Variants in L3MBTL1 observed in about 807,000 individuals in gnomAD.
The protein encoded by L3MBTL1 is lethal(3)malignant brain tumor-like protein 1.
L3MBTL1 carries 75 observed loss-of-function variants against 105.3 expected under a neutral mutation model. That is an observed-to-expected ratio of 0.71 (90% CI 0.59 to 0.86). The LOEUF is 0.86. L3MBTL1 is among the 40% of genes least tolerant of loss of function. The probability of loss-of-function intolerance (pLI) is 0.00; values close to 1 mark genes in which losing one functional copy is unlikely to be tolerated. For missense variants in L3MBTL1, 1,069 were observed against 1,126.4 expected (o/e 0.95, Z 0.73); for synonymous variants, 452 against 436.2 (o/e 1.04, Z -0.45).
chr20:43,530,531 T>C, intron 10 of L3MBTL1, 112 bp downstream of exon 10: 1 of 1,251,174 alleles, frequency 8.0e-7, no homozygotes. Context: ...TGTACCCTGT[T>C]CCAAAGCCAG....
rs775862031 is a variant in L3MBTL1, at chr20:43,528,704, G to C, written c.910G>C (p.Glu304Gln). 1 of 1,614,154 alleles carries C rather than the reference G, an allele frequency of 6.2e-7. No individual in the cohort carries two copies. The highest frequency in any genetic ancestry group is 1.1e-5 in the South Asian group (1 of 91,084). The change falls in exon 8 of 22, where the codon GAG (glutamate) becomes CAG (glutamine). Residue 304 changes from glutamate (E) to glutamine (Q), a missense_variant. Physicochemically the swap from Glu to Gln is conservative, Grantham distance 29. Transcript: ENST00000418998. ...ECWSWESYLEEQKAITAPVSL... is the reference protein window; with the variant it reads ...ECWSWESYLEQQKAITAPVSL... Reference sequence around the variant, plus strand: ...CTGGTCGTGGGAGTCCTACCTAGAGGAGCAGAAGGCCATTACTGCTCCAGT... The same window carrying C: ...CTGGTCGTGGGAGTCCTACCTAGAGCAGCAGAAGGCCATTACTGCTCCAGT...
At chr20:43,547,853 T>C (rs1978722297) in intron 18 of L3MBTL1, among the ~76,000 whole-genome samples, 1 of 152,196 alleles carries the variant, frequency 6.6e-6, no homozygotes, top group African/African-American at 2.4e-5. Flanking sequence ...AGAACAAGTG[T>C]GTGAACACGG....
Position 43,532,821 on chromosome 20 carries a change from G to A in L3MBTL1, c.1333G>A (p.Asp445Asn). Residue 445 changes from aspartate (D) to asparagine (N), a missense_variant, in exon 12 of 22, where the codon GAC becomes AAC. Coordinates refer to ENST00000418998, the MANE Select transcript of L3MBTL1 (RefSeq NM_001377303.1). ...GGTGGGCATGAAGCTGGAGGCTGTTGACCGCATGAACCCGTCCCTTGTCTG... is the reference window on the plus strand; with the variant it reads ...GGTGGGCATGAAGCTGGAGGCTGTTAACCGCATGAACCCGTCCCTTGTCTG... The part of the protein sequence containing the change: ...FQVGMKLEAV[D>N]RMNPSLVCVA... 2.5e-6 allele frequency: 4 copies of A among 1,614,204 alleles called. No homozygotes were observed. Among genetic ancestry groups the A allele is most frequent in the South Asian group, 1.1e-5 (1 of 91,086 alleles).
At chr20:43,530,495 C>T in intron 10 of L3MBTL1, 76 bp downstream of exon 10, 2 of 1,492,576 alleles carry the variant, frequency 1.3e-6, no homozygotes, top group Non-Finnish European at 1.8e-6. Flanking sequence ...GGGTCCCCGG[C>T]TTCCAGCTCT....
chr20:43,536,465 C>A lies in L3MBTL1; in HGVS notation c.2173+7C>A. ...CCGCAGGAAGATTTCCAGAGTAAGTCTGGGTTATCTGCTCCTATGTCCTCC... is the reference window on the plus strand; with the variant it reads ...CCGCAGGAAGATTTCCAGAGTAAGTATGGGTTATCTGCTCCTATGTCCTCC... On this transcript the variant is annotated splice_region_variant and intron_variant, in intron 19 of 21. Coordinates refer to ENST00000418998, the MANE Select transcript of L3MBTL1 (RefSeq NM_001377303.1). The A allele has an allele frequency of 6.2e-7, 1 of 1,613,866 alleles. No individual in the cohort carries two copies. The highest frequency in any genetic ancestry group is 8.5e-7 in the Non-Finnish European group (1 of 1,179,994).
At position 43,528,698 on chromosome 20, in the gene L3MBTL1, C is replaced by G. The variant is rs772464549; in HGVS notation, c.904C>G (p.Leu302Val). Residue 302 changes from leucine to valine, a missense_variant, in exon 8 of 22, where the codon CTA becomes GTA. Coordinates refer to ENST00000418998, the MANE Select transcript of L3MBTL1 (RefSeq NM_001377303.1). ...KKECWSWESY[L>V]EEQKAITAPV... The stretch of plus-strand genomic sequence containing the variant: ...GGAATGCTGGTCGTGGGAGTCCTAC[C>G]TAGAGGAGCAGAAGGCCATTACTGC... 25 of 1,614,148 alleles carry G rather than the reference C, an allele frequency of 1.5e-5. No homozygotes were observed. The highest frequency in any genetic ancestry group is 2.0e-5 in the Non-Finnish European group (24 of 1,179,992).
intron 19 of L3MBTL1, among the ~76,000 whole-genome samples, chr20:43,537,098 G>A (rs879036971): frequency 6.6e-6 from 1 of 152,208 alleles, no homozygotes; most frequent in Admixed American, 6.5e-5. Flanking sequence ...GGGAGAGCTG[G>A]CATTCCAACT....
At chr20:43,548,264 C>G in exon 19 of L3MBTL1, 5 of 1,300,586 alleles carry the variant, frequency 3.8e-6, no homozygotes, top group Non-Finnish European at 5.1e-6. Context: ...GGGCTGGGCC[C>G]TCCTGCAGCC....
At chr20:43,518,606 G>A (rs543736557) in intron 7 of L3MBTL1, among the ~76,000 whole-genome samples, 8 of 152,138 alleles carry the variant, frequency 5.3e-5, no homozygotes, top group Non-Finnish European at 1.0e-4. Flanking sequence ...TTTATCTGCA[G>A]GGAATACATT....
At chr20:43,508,986 G>C (rs2018060833) in intron 1 of L3MBTL1, among the ~76,000 whole-genome samples, 1 of 152,186 alleles carries the variant, frequency 6.6e-6, no homozygotes, top group Non-Finnish European at 1.5e-5. Flanking sequence ...GCAGTTCCAA[G>C]AGAGGCTGAC....
chr20:43,515,126 C>G lies in L3MBTL1; in HGVS notation c.620C>G (p.Ser207Cys), dbSNP rs374255054. The change falls in exon 5 of 22, where the codon TCT becomes TGT. Residue 207 changes from serine to cysteine, a missense_variant. By Grantham distance (112) the Ser-to-Cys change is moderately radical. Transcript: ENST00000418998. ...GCCGCGGGTCCAGATCTTGGTTCCT[C>G]TAATGATGGCTGCCCTCAGCTGTTC... ...HQAAGPDLGS[S>C]NDGCPQLFQE... 4 of 1,614,070 alleles carry G rather than the reference C, an allele frequency of 2.5e-6. No individual in the cohort carries two copies. In the African/African-American group the frequency reaches 5.3e-5, roughly 22 times the overall value.
chr20:43,535,021 G>A, intron 16 of L3MBTL1, 79 bp downstream of exon 16: 2 of 947,712 alleles, frequency 2.1e-6, no homozygotes, highest in Non-Finnish European at 3.2e-6. Flanking sequence ...ACAGAGCTCT[G>A]ACTCCCCATG....
chr20:43,509,263 C>T (rs200031838), intron 1 of L3MBTL1, among the ~76,000 whole-genome samples: 1 of 151,832 alleles, frequency 6.6e-6, no homozygotes, highest in Non-Finnish European at 1.5e-5. Context: ...CTTGCTCTGT[C>T]GCCCAGGCTC....
intron 18 of L3MBTL1, among the ~76,000 whole-genome samples, chr20:43,547,724 A>G (rs1016630829): frequency 2.6e-5 from 4 of 152,216 alleles, no homozygotes; most frequent in Non-Finnish European, 4.4e-5. Context: ...AGGTTGACCA[A>G]TGAGGTCATG....
chr20:43,544,365 T>C (rs1978437003), downstream of L3MBTL1, among the ~76,000 whole-genome samples: 1 of 152,204 alleles, frequency 6.6e-6, no homozygotes, highest in South Asian at 2.1e-4. Context: ...GGCTGTTGCT[T>C]AGGGTGGATT....
chr20:43,545,531 C>T (rs2145505202), downstream of L3MBTL1, among the ~76,000 whole-genome samples: 1 of 152,240 alleles, frequency 6.6e-6, no homozygotes, highest in African/African-American at 2.4e-5. Context: ...TCACAGCTCC[C>T]AGTGTCTCAG....
chr20:43,521,942 G>C (rs1213958493), intron 7 of L3MBTL1, among the ~76,000 whole-genome samples: 1 of 152,188 alleles, frequency 6.6e-6, no homozygotes, highest in African/African-American at 2.4e-5. Flanking sequence ...ATGAGCAAAA[G>C]AACAGATATC....
At chr20:43,546,060 C>T (rs8116134), downstream of L3MBTL1, among the ~76,000 whole-genome samples, 51,131 of 152,228 alleles carry the variant, frequency 0.34, 9,277 homozygotes, top group Non-Finnish European at 0.41. Context: ...TGAAGAAATA[C>T]ATACAATTCA....
At chr20:43,542,917 A>T (rs2019969750), downstream of L3MBTL1, among the ~76,000 whole-genome samples, 1 of 152,160 alleles carries the variant, frequency 6.6e-6, no homozygotes, top group Non-Finnish European at 1.5e-5. Flanking sequence ...ATTTCTTGTT[A>T]ATGGTCAACA....
Sources: gnomAD v4.1 joint callset for allele counts (sites outside exome capture counted in the v4.1 genomes callset) on GRCh38, gnomAD v4.1.1 for gene constraint, MANE v1.5 for transcripts, NCBI Gene and HGNC (gene_info 2026-07-23, HGNC 2026-07-21) for gene names.